Variants in GRK1 observed in about 807,000 individuals in gnomAD.
GRK1 encodes the protein rhodopsin kinase GRK1.
A neutral mutation model predicts 41.7 loss-of-function variants in GRK1; 28 were observed. The ratio of observed to expected loss-of-function variants is 0.67; its 90% confidence interval spans 0.50 to 0.92. The LOEUF is 0.92. GRK1 is among the 40% of genes least tolerant of loss of function. GRK1 has a pLI of 0.00. For missense variants in GRK1, 703 were observed against 671.2 expected (o/e 1.05, Z -0.52); for synonymous variants, 327 against 286.7 (o/e 1.14, Z -1.42).
At chr13:113,649,930 AG>A in the GRK1 span, among the ~76,000 whole-genome samples, 1 of 152,192 alleles carries the variant, frequency 6.6e-6, no homozygotes, top group Non-Finnish European at 1.5e-5. The surrounding 1 kb of genome is among the most constrained non-coding windows in gnomAD (Gnocchi z 4.7). Flanking sequence ...TGGGAGCCTG[AG>A]GCAGGCTGAT....
the GRK1 span, chr13:113,652,734 T>C: frequency 1.0e-6 from 1 of 964,930 alleles, no homozygotes; most frequent in South Asian, 1.4e-5. Flanking sequence ...CAAACCAAGG[T>C]ACAGGGTGGT....
chr13:113,654,305 G>A, the GRK1 span, among the ~76,000 whole-genome samples: 5 of 152,348 alleles, frequency 3.3e-5, no homozygotes, highest in South Asian at 6.2e-4. Flanking sequence ...CGATGGGGAC[G>A]TCTGTCCTGT....
Position 113,671,254 on chromosome 13 carries a change from G to A in GRK1, c.828-245G>A, listed in dbSNP as rs982650780. On this transcript the variant is annotated intron_variant, in intron 2 of 6. Transcript: ENST00000335678. This position sits in a 1 kb window ranked among gnomAD's most constrained non-coding sequence, Gnocchi z 4.1. ...CTGCGGCCCGCGCTGGAAAGCAGGC[G>A]GACAGGAGACGCACGTGGACAGCAC... 2.6e-5 allele frequency among the ~76,000 whole-genome samples: 4 copies of A among 152,192 alleles called. No individual in the cohort carries two copies. The highest frequency in any genetic ancestry group is 1.9e-4 in the East Asian group (1 of 5,184).
the GRK1 span, chr13:113,654,883 A>G: frequency 6.2e-7 from 1 of 1,614,248 alleles, no homozygotes; most frequent in Non-Finnish European, 8.5e-7. Context: ...ACATAGAGGC[A>G]CAGGGCGAAG....
Position 113,733,703 on chromosome 13 carries a change from G to C in GRK1, c.1396+618G>C, listed in dbSNP as rs1338994242. On this transcript the variant is annotated intron_variant, in intron 6 of 6. Transcript: ENST00000335678. ...TGCATGTATGTGTGCATACATGTGT[G>C]CGTGTGTGCGCACGTGTGTGTGCGC... Among the ~76,000 whole-genome samples the C allele has an allele frequency of 3.4e-5, 5 of 148,022 alleles. 1 individual carries two copies. Among genetic ancestry groups the C allele is most frequent in the African/African-American group, 1.3e-4 (5 of 39,384 alleles).
chr13:113,657,484 G>A, the GRK1 span, among the ~76,000 whole-genome samples: 5 of 152,228 alleles, frequency 3.3e-5, no homozygotes, highest in African/African-American at 4.8e-5. Flanking sequence ...CAGGCTGCCC[G>A]CGCCTCTGTG....
upstream of GRK1, among the ~76,000 whole-genome samples, chr13:113,666,345 G>A (rs540714345): frequency 1.4e-3 from 211 of 148,812 alleles, no homozygotes; most frequent in African/African-American, 4.9e-3. Flanking sequence ...TGCCCCAGGT[G>A]TGTTCCAGGT....
the GRK1 span, among the ~76,000 whole-genome samples, chr13:113,657,396 G>T: frequency 1.3e-5 from 2 of 152,246 alleles, no homozygotes; most frequent in Admixed American, 1.3e-4. Context: ...GGGTGTGGCA[G>T]CCCTGATGTA....
rs767666496 is a variant in GRK1, at chr13:113,735,286, C to G, written c.1615C>G (p.Gln539Glu). ...GCTGAACGTGTGGCGCTCGGACGGTCAGATGCCGGACGACATGAAGGGCAT... is the reference window on the plus strand; with the variant it reads ...GCTGAACGTGTGGCGCTCGGACGGTGAGATGCCGGACGACATGAAGGGCAT... ...GELNVWRSDG[Q>E]MPDDMKGISG... Residue 539 changes from glutamine (Q) to glutamate (E), a missense_variant, in exon 7 of 7, where the codon CAG becomes GAG. Coordinates refer to ENST00000335678, the MANE Select transcript of GRK1 (RefSeq NM_002929.3). 28 of 1,535,906 alleles carry G rather than the reference C, an allele frequency of 1.8e-5. No individual in the cohort carries two copies. The highest frequency in any genetic ancestry group is 2.4e-5 in the Non-Finnish European group (27 of 1,146,086).
the GRK1 span, among the ~76,000 whole-genome samples, chr13:113,654,331 G>A: frequency 1.1e-4 from 16 of 152,310 alleles, no homozygotes; most frequent in South Asian, 2.1e-4. Context: ...CTGACGACTC[G>A]GATGCCTGTT....
chr13:113,723,760 A>C (rs1434544968), intron 4 of GRK1, among the ~76,000 whole-genome samples: 2 of 151,572 alleles, frequency 1.3e-5, no homozygotes, highest in Non-Finnish European at 2.9e-5. Context: ...GCCTGTGTGC[A>C]TGCCTGTGTC....
chr13:113,733,926 A>G (rs1169910333), intron 6 of GRK1, among the ~76,000 whole-genome samples: 895 of 45,922 alleles, frequency 0.019, 20 homozygotes, highest in East Asian at 0.052. Context: ...GCGTGTGTGC[A>G]TGTGTGCATA....
intron 4 of GRK1, among the ~76,000 whole-genome samples, chr13:113,727,458 CCTGTGGACTGTGGG>C (rs1279936630): frequency 1.3e-5 from 2 of 151,846 alleles, no homozygotes; most frequent in Admixed American, 6.6e-5. Flanking sequence ...TGGACAGCAG[CCTGTGGACTGTGGG>C]CTGTGGACTG....
intron 4 of GRK1, among the ~76,000 whole-genome samples, chr13:113,727,201 A>G (rs1196946861): frequency 6.6e-6 from 1 of 152,228 alleles, no homozygotes; most frequent in African/African-American, 2.4e-5. Context: ...AGTCTGACTC[A>G]CCAGAGCAGA....
At position 113,733,089 on chromosome 13, in the gene GRK1, C is replaced by G; in HGVS notation, c.1396+4C>G. 6.5e-7 allele frequency: 1 copy of G among 1,534,626 alleles called. No homozygotes were observed. The highest frequency in any genetic ancestry group is 8.7e-7 in the Non-Finnish European group (1 of 1,145,774). On this transcript the variant is annotated splice_donor_region_variant and intron_variant, in intron 6 of 6. Coordinates refer to ENST00000335678, the MANE Select transcript of GRK1 (RefSeq NM_002929.3). The stretch of plus-strand genomic sequence containing the variant: ...AACTGGAGGCAGCTGGAGGCTGGTA[C>G]TGTTGGACGCCTCAGCCCCGGAGAG...
chr13:113,735,267 C>T lies in GRK1; in HGVS notation c.1596C>T (p.Asn532=), dbSNP rs772931086. The change falls in exon 7 of 7, where the codon AAC becomes AAT. Residue 532 remains asparagine (N), a synonymous_variant. Coordinates refer to ENST00000335678, the MANE Select transcript of GRK1 (RefSeq NM_002929.3). ...MIETGIFGEL[N]VWRSDGQMPD... is the part of the protein sequence containing the mutation. Reference sequence around the variant, plus strand: ...AGACGGGCATCTTTGGCGAGCTGAACGTGTGGCGCTCGGACGGTCAGATGC... The same window carrying T: ...AGACGGGCATCTTTGGCGAGCTGAATGTGTGGCGCTCGGACGGTCAGATGC... The T allele has an allele frequency of 1.7e-5, 26 of 1,536,824 alleles. No individual in the cohort carries two copies. Among genetic ancestry groups the T allele is most frequent in the Middle Eastern group, 1.7e-4 (1 of 6,008 alleles).
intron 4 of GRK1, among the ~76,000 whole-genome samples, chr13:113,728,617 C>T (rs1266684195): frequency 2.0e-5 from 3 of 152,172 alleles, no homozygotes; most frequent in Non-Finnish European, 2.9e-5. Flanking sequence ...CAGCGGGGCC[C>T]GGAGGGTCTG....
At chr13:113,661,711 C>G in the GRK1 span, among the ~76,000 whole-genome samples, 4 of 152,186 alleles carry the variant, frequency 2.6e-5, no homozygotes, top group African/African-American at 9.7e-5. Context: ...AATACTTGCG[C>G]AATTCTACAT....
At chr13:113,661,771 C>T in the GRK1 span, among the ~76,000 whole-genome samples, 29 of 152,298 alleles carry the variant, frequency 1.9e-4, no homozygotes, top group African/African-American at 7.0e-4. Flanking sequence ...AAAATCACAA[C>T]TCACCCGACT....
Sources: gnomAD v4.1 joint callset for allele counts (sites outside exome capture counted in the v4.1 genomes callset) on GRCh38, gnomAD v4.1.1 for gene constraint, Gnocchi (gnomAD v3.1) non-coding constraint, MANE v1.5 for transcripts, NCBI Gene and HGNC (gene_info 2026-07-23, HGNC 2026-07-21) for gene names.